The following ARL13B variants were observed in gnomAD, a reference collection of about 807,000 sequenced individuals.
ARL13B encodes ADP-ribosylation factor-like protein 13B.
ARL13B carries 36 observed loss-of-function variants against 56.1 expected under a neutral mutation model. That is an observed-to-expected ratio of 0.64 (90% CI 0.49 to 0.85). ARL13B has a LOEUF of 0.85. ARL13B is among the 40% of genes least tolerant of loss of function. ARL13B has a pLI of 0.00. For missense variants in ARL13B, 519 were observed against 507.1 expected (o/e 1.02, Z -0.23); for synonymous variants, 178 against 171.1 (o/e 1.04, Z -0.32).
At chr3:94,006,948 G>T (rs1370932538) in intron 3 of ARL13B, among the ~76,000 whole-genome samples, 1 of 152,158 alleles carries the variant, frequency 6.6e-6, no homozygotes, top group Non-Finnish European at 1.5e-5. Context: ...TAGAAGGGTA[G>T]CAGGAGGGGA....
intron 7 of ARL13B, 109 bp from the exon 8 acceptor site, chr3:94,049,297 A>G: frequency 1.6e-6 from 1 of 615,464 alleles, no homozygotes; most frequent in Non-Finnish European, 2.8e-6. Flanking sequence ...TTAAATAGTC[A>G]AGATGTTTTT....
At chr3:94,005,846 TG>T (rs2076125046) in intron 3 of ARL13B, among the ~76,000 whole-genome samples, 1 of 152,206 alleles carries the variant, frequency 6.6e-6, no homozygotes, top group African/African-American at 2.4e-5. Flanking sequence ...AAAGGTTTTT[TG>T]TATATTTTTT....
intron 6 of ARL13B, among the ~76,000 whole-genome samples, chr3:94,041,791 G>A (rs1339671342): frequency 6.6e-6 from 1 of 152,076 alleles, no homozygotes; most frequent in Non-Finnish European, 1.5e-5. Context: ...ATGTCAATAA[G>A]TGGCCAGGCA....
intron 3 of ARL13B, chr3:94,014,971 A>T: frequency 6.2e-7 from 1 of 1,613,976 alleles, no homozygotes; most frequent in Non-Finnish European, 8.5e-7. Flanking sequence ...TTCTGCCTGA[A>T]TTTTTATCTC....
intron 3 of ARL13B, among the ~76,000 whole-genome samples, chr3:94,005,245 C>T (rs2076115398): frequency 6.6e-6 from 1 of 152,002 alleles, no homozygotes; most frequent in South Asian, 2.1e-4. Context: ...GGTGAGATAA[C>T]AGACTAAATA....
intron 2 of ARL13B, among the ~76,000 whole-genome samples, chr3:94,002,836 T>G (rs2076075778): frequency 6.6e-6 from 1 of 152,304 alleles, no homozygotes; most frequent in Admixed American, 6.5e-5. Flanking sequence ...ATCTTAAGGA[T>G]TTGCTGTAGG....
intron 1 of ARL13B, among the ~76,000 whole-genome samples, chr3:93,993,543 C>T (rs763021002): frequency 3.3e-5 from 5 of 152,182 alleles, no homozygotes; most frequent in Admixed American, 6.5e-5. Context: ...GTCTCAGCCT[C>T]CGGAGTGGCT....
intron 1 of ARL13B, among the ~76,000 whole-genome samples, chr3:93,981,456 A>G (rs189245415): frequency 3.3e-5 from 5 of 152,320 alleles, no homozygotes; most frequent in African/African-American, 1.2e-4. Flanking sequence ...AGCTACACTT[A>G]CACATTATAA....
At chr3:93,993,345 C>T (rs775537735) in intron 1 of ARL13B, among the ~76,000 whole-genome samples, 1 of 151,772 alleles carries the variant, frequency 6.6e-6, no homozygotes, top group Non-Finnish European at 1.5e-5. Context: ...AGGCTGGTCT[C>T]GAACTCCTGA....
chr3:94,041,184 G>A (rs1346810409), intron 6 of ARL13B, among the ~76,000 whole-genome samples: 2 of 150,282 alleles, frequency 1.3e-5, no homozygotes, highest in African/African-American at 4.9e-5. Context: ...TATTATTACT[G>A]CAGATAATTA....
intron 3 of ARL13B, among the ~76,000 whole-genome samples, chr3:94,017,927 G>T (rs2076365313): frequency 1.3e-5 from 2 of 152,142 alleles, no homozygotes; most frequent in Admixed American, 1.3e-4. Flanking sequence ...AGAAAGGTAG[G>T]CATGGACCAC....
intron 1 of ARL13B, among the ~76,000 whole-genome samples, chr3:93,984,615 G>T (rs1710362892): frequency 2.6e-5 from 4 of 152,186 alleles, no homozygotes; most frequent in Admixed American, 2.6e-4. Flanking sequence ...AAGTAGAACT[G>T]TGCAGTTCAA....
At chr3:93,998,842 T>C (rs1478303260) in intron 2 of ARL13B, among the ~76,000 whole-genome samples, 2 of 151,992 alleles carry the variant, frequency 1.3e-5, no homozygotes, top group African/African-American at 4.8e-5. Context: ...GTTTAGGCCA[T>C]GCGCCTAGGT....
In ARL13B at chr3:94,035,453, T is replaced by A; in HGVS notation, c.486+17T>A. The A allele has an allele frequency of 9.2e-6, 14 of 1,524,550 alleles. No individual in the cohort carries two copies. Among genetic ancestry groups the A allele is most frequent in the Non-Finnish European group, 1.2e-5 (13 of 1,119,950 alleles). 94.4% of individuals were successfully genotyped at this position (1,524,550 alleles called of 1,614,324 possible). On this transcript the variant is annotated intron_variant, in intron 4 of 9. Transcript: ENST00000394222. The stretch of plus-strand genomic sequence containing the variant: ...TGTCAGATAGTAAGGTTTTTTTTTT[T>A]TTTTTAATTTTAATTTTTTGTCCTT...
At chr3:94,006,597 T>C (rs1038739812) in intron 3 of ARL13B, among the ~76,000 whole-genome samples, 12 of 152,132 alleles carry the variant, frequency 7.9e-5, no homozygotes, top group African/African-American at 2.7e-4. Flanking sequence ...CAAGCTCTCC[T>C]CTACACTGCC....
At position 94,025,196 on chromosome 3, in the gene ARL13B, G is replaced by A. The variant is rs1164312261; in HGVS notation, c.381-10135G>A. ...ATTTGAATAAAAGGTACTTTAAGGAGCCCTTTAAAATATATTAATATGTCC... is the reference window on the plus strand; with the variant it reads ...ATTTGAATAAAAGGTACTTTAAGGAACCCTTTAAAATATATTAATATGTCC... On this transcript the variant is annotated intron_variant, in intron 3 of 9. Coordinates refer to ENST00000394222, the MANE Select transcript of ARL13B (RefSeq NM_001174150.2). 5.3e-5 allele frequency among the ~76,000 whole-genome samples: 8 copies of A among 151,166 alleles called. No homozygotes were observed. The East Asian group carries it at 9.6e-4, about 18-fold the overall frequency.
Position 94,043,246 on chromosome 3 carries a change from A to G in ARL13B, c.1024+6A>G, listed in dbSNP as rs1395286951. 5 of 1,606,976 alleles carry G rather than the reference A, an allele frequency of 3.1e-6. No individual in the cohort carries two copies. The highest frequency in any genetic ancestry group is 2.2e-5 in the East Asian group (1 of 44,764). On this transcript the variant is annotated splice_donor_region_variant and intron_variant, in intron 7 of 9. Coordinates refer to ENST00000394222, the MANE Select transcript of ARL13B (RefSeq NM_001174150.2). ...CCGGCCATCATTGGAATCAGGTAAT[A>G]AATCTAGTTATTTAAAGTAATTATC... is the stretch of plus-strand genomic sequence containing the variant.
chr3:94,050,952 A>G, intron 9 of ARL13B, 60 bp downstream of exon 9: 5 of 1,506,996 alleles, frequency 3.3e-6, no homozygotes, highest in East Asian at 2.3e-5. Context: ...ACTTTTCTTT[A>G]GCCTTATAAT....
At chr3:94,040,405 T>A (rs2076841956) in intron 6 of ARL13B, among the ~76,000 whole-genome samples, 1 of 152,248 alleles carries the variant, frequency 6.6e-6, no homozygotes, top group East Asian at 1.9e-4. Flanking sequence ...ATTTTCTATT[T>A]TTCCAGGATA....
Sources: allele counts gnomAD v4.1 joint callset (sites outside exome capture counted in the v4.1 genomes callset), GRCh38; gene constraint gnomAD v4.1.1; transcripts MANE v1.5; gene names NCBI Gene and HGNC (gene_info 2026-07-23, HGNC 2026-07-21).